PTPRD: variants seen among roughly 807,000 people sequenced by gnomAD.
PTPRD encodes the protein receptor-type tyrosine-protein phosphatase delta.
In PTPRD, 34 loss-of-function variants were observed where a neutral mutation model predicts 214.5. The observed-to-expected ratio is 0.16, with a 90% CI of 0.12 to 0.21. PTPRD has a LOEUF of 0.21. Among genes scored for constraint, PTPRD ranks in the 10% least tolerant of loss-of-function variants. The pLI is 1.00. For missense variants in PTPRD, 2,545 were observed against 2,398.7 expected (o/e 1.06, Z -1.27); for synonymous variants, 1,128 against 845.7 (o/e 1.33, Z -5.79).
At chr9:9,676,810 T>A (rs896094459) in intron 7 of PTPRD, among the ~76,000 whole-genome samples, 43 of 152,158 alleles carry the variant, frequency 2.8e-4, no homozygotes, top group African/African-American at 1.0e-3. Flanking sequence ...TTTTTAATGA[T>A]CGCCATTTTA....
At chr9:10,418,763 G>A (rs1356176321) in intron 2 of PTPRD, among the ~76,000 whole-genome samples, 3 of 151,588 alleles carry the variant, frequency 2.0e-5, no homozygotes, top group African/African-American at 7.3e-5. Context: ...AGAAATGGTT[G>A]GAAGGAAAAA....
chr9:8,461,553 T>C (rs1304546538), intron 32 of PTPRD, among the ~76,000 whole-genome samples: 1 of 151,882 alleles, frequency 6.6e-6, no homozygotes, highest in Non-Finnish European at 1.5e-5. Flanking sequence ...CTAACTGCCC[T>C]GCTTCTACCA....
chr9:9,075,987 C>T (rs1015721547), intron 10 of PTPRD, among the ~76,000 whole-genome samples: 9 of 152,206 alleles, frequency 5.9e-5, no homozygotes, highest in African/African-American at 2.2e-4. Context: ...AATCGCCATA[C>T]TGTCTTCCAC....
At position 9,607,869 on chromosome 9, in the gene PTPRD, T is replaced by C. The variant is rs144847718; in HGVS notation, c.-286-33088A>G. ...AAAAAGCTGTCAGGTGGGTAGTGAC[T>C]GACAAAAAAAAAATTTAGAAAACGC... is the stretch of plus-strand genomic sequence containing the variant. On this transcript the variant is annotated intron_variant, in intron 7 of 45. Transcript: ENST00000381196. Among the ~76,000 whole-genome samples, 1,135 of 151,936 alleles carry C rather than the reference T, an allele frequency of 7.5e-3. 12 individuals are homozygous for C. Among genetic ancestry groups the C allele is most frequent in the Non-Finnish European group, 0.014 (933 of 67,954 alleles).
chr9:10,376,513 C>CG (rs1004240003), intron 2 of PTPRD, among the ~76,000 whole-genome samples: 1 of 151,514 alleles, frequency 6.6e-6, no homozygotes, highest in African/African-American at 2.4e-5. Flanking sequence ...AAACATAATT[C>CG]GTTACTTGCT....
chr9:9,777,129 C>G (rs979390002), intron 5 of PTPRD, among the ~76,000 whole-genome samples: 1 of 152,130 alleles, frequency 6.6e-6, no homozygotes. Flanking sequence ...AGTAAGAACA[C>G]TGGAAAGTAA....
chr9:10,047,335 T>TGTGTGTGTGTGTGTGC (rs1555512614), intron 3 of PTPRD, among the ~76,000 whole-genome samples: 1 of 149,526 alleles, frequency 6.7e-6, no homozygotes, highest in Non-Finnish European at 1.5e-5. Context: ...TGTGTGTGTG[T>TGTGTGTGTGTGTGTGC]GTGCGTGTGT....
At chr9:10,466,974 T>G (rs982385049) in intron 2 of PTPRD, among the ~76,000 whole-genome samples, 2 of 152,194 alleles carry the variant, frequency 1.3e-5, no homozygotes, top group African/African-American at 4.8e-5. Context: ...TAGGAAACTA[T>G]GATAGCAAAT....
intron 11 of PTPRD, among the ~76,000 whole-genome samples, chr9:8,738,122 T>C (rs2090942737): frequency 1.3e-5 from 2 of 152,228 alleles, no homozygotes; most frequent in Non-Finnish European, 2.9e-5. Context: ...TCAGCTTCTG[T>C]ATATCTGTAC....
At chr9:9,603,361 C>A (rs143822175) in intron 7 of PTPRD, among the ~76,000 whole-genome samples, 1 of 152,074 alleles carries the variant, frequency 6.6e-6, no homozygotes, top group Admixed American at 6.6e-5. Context: ...TGTTTAAGTA[C>A]CAGCTTTGAG....
intron 3 of PTPRD, among the ~76,000 whole-genome samples, chr9:10,280,318 G>A (rs2095025417): frequency 6.7e-6 from 1 of 150,270 alleles, no homozygotes; most frequent in South Asian, 2.1e-4. Context: ...GACAGGATGA[G>A]AAGTAGATGA....
Position 10,121,821 on chromosome 9 carries a change from C to T in PTPRD, c.-544-88031G>A, listed in dbSNP as rs568165479. Among the ~76,000 whole-genome samples, 7 of 152,082 alleles carry T rather than the reference C, an allele frequency of 4.6e-5. No individual in the cohort carries two copies. In the East Asian group the frequency reaches 7.7e-4, roughly 17 times the overall value. On this transcript the variant is annotated intron_variant, in intron 3 of 45. Transcript: ENST00000381196. Reference sequence around the variant, plus strand: ...AGAGTGAATTCCAAGATTTTTTTCCCTCCAACCATGAGGATTGAGGGTGAA... The same window carrying T: ...AGAGTGAATTCCAAGATTTTTTTCCTTCCAACCATGAGGATTGAGGGTGAA...
At chr9:10,140,430 C>G (rs1448632349) in intron 3 of PTPRD, among the ~76,000 whole-genome samples, 1 of 151,680 alleles carries the variant, frequency 6.6e-6, no homozygotes, top group Non-Finnish European at 1.5e-5. Flanking sequence ...ACCACCGATC[C>G]CACAGAAATA....
At chr9:8,600,712 G>A (rs2094804776) in intron 14 of PTPRD, among the ~76,000 whole-genome samples, 1 of 151,728 alleles carries the variant, frequency 6.6e-6, no homozygotes, top group Admixed American at 6.6e-5. Context: ...GCAGAATCCA[G>A]ACCCTACTGA....
intron 7 of PTPRD, among the ~76,000 whole-genome samples, chr9:9,593,117 G>GAAGGAAAGGAAAGGA (rs377722724): frequency 6.9e-6 from 1 of 144,476 alleles, no homozygotes; most frequent in Non-Finnish European, 1.5e-5. Flanking sequence ...AGAAAGGAAG[G>GAAGGAAAGGAAAGGA]AAGGAAAGGA....
chr9:10,146,088 T>C (rs1034766596), intron 3 of PTPRD, among the ~76,000 whole-genome samples: 5 of 151,718 alleles, frequency 3.3e-5, no homozygotes, highest in African/African-American at 1.2e-4. Flanking sequence ...TTTCATTTTT[T>C]CCTTATGTCT....
chr9:9,673,644 A>C (rs1478258320), intron 7 of PTPRD, among the ~76,000 whole-genome samples: 1 of 151,750 alleles, frequency 6.6e-6, no homozygotes, highest in East Asian at 1.9e-4. Flanking sequence ...AAGATAACTA[A>C]AAATATTTCT....
Position 8,678,210 on chromosome 9 carries a change from T to C in PTPRD, c.65-41366A>G, listed in dbSNP as rs374708507. ...GAGGAGTGAACAAGGTCAAATCCAATTCAGACATCATTTCACACGAGGCTC... is the reference window on the plus strand; with the variant it reads ...GAGGAGTGAACAAGGTCAAATCCAACTCAGACATCATTTCACACGAGGCTC... On this transcript the variant is annotated intron_variant, in intron 12 of 45. Transcript: ENST00000381196. Among the ~76,000 whole-genome samples, 63 of 152,274 alleles carry C rather than the reference T, an allele frequency of 4.1e-4. No homozygotes were observed. In the South Asian group the frequency reaches 0.013, roughly 32 times the overall value.
intron 11 of PTPRD, among the ~76,000 whole-genome samples, chr9:8,969,928 T>C (rs2099226426): frequency 6.6e-6 from 1 of 151,978 alleles, no homozygotes; most frequent in Non-Finnish European, 1.5e-5. Context: ...TTGATTAGTG[T>C]CATCATAGAT....
Sources: gnomAD v4.1 joint callset for allele counts (sites outside exome capture counted in the v4.1 genomes callset) on GRCh38, gnomAD v4.1.1 for gene constraint, MANE v1.5 for transcripts, NCBI Gene and HGNC (gene_info 2026-07-23, HGNC 2026-07-21) for gene names.